RYR3: variants seen among roughly 807,000 people sequenced by gnomAD.
RYR3 encodes brain ryanodine receptor-calcium release channel.
Under a neutral mutation model 584.3 loss-of-function variants are expected in RYR3, and 207 were observed. That is an observed-to-expected ratio of 0.35 (90% confidence interval 0.32 to 0.40). The LOEUF is 0.40. Ranked by LOEUF, RYR3 falls within the 10% of genes least tolerant of loss-of-function variation. The pLI is 1.00. For synonymous variants in RYR3, 2,416 were observed against 2,248.5 expected, an observed-to-expected ratio of 1.07 and a Z score of -2.11; for missense variants, 5,616 against 6,089.2, an observed-to-expected ratio of 0.92 and a Z score of 2.59.
At position 33,644,491 on chromosome 15, in the gene RYR3, A is replaced by T. The variant is rs200171608; in HGVS notation, c.3737A>T (p.Asn1246Ile). ...WFSKRLPTFVNVPKDHPHIEV... is the reference protein window; with the variant it reads ...WFSKRLPTFVIVPKDHPHIEV... ...AGCAAGCGCCTCCCGACGTTTGTCA[A>T]CGTGCCAAAGGATCATCCACACATA... The change falls in exon 28 of 104, where the codon AAC becomes ATC. Residue 1246 changes from asparagine to isoleucine, a missense_variant. Around this residue, in one of 9 missense-constraint regions of RYR3, gnomAD observed 753 missense variants for 741.0 expected, o/e 1.02. Transcript: ENST00000634891. 7 of 1,613,862 alleles carry T rather than the reference A, an allele frequency of 4.3e-6. No individual in the cohort carries two copies. The highest frequency in any genetic ancestry group is 5.9e-6 in the Non-Finnish European group (7 of 1,179,796).
At chr15:33,353,333 G>A (rs1052793334) in intron 1 of RYR3, among the ~76,000 whole-genome samples, 3 of 152,134 alleles carry the variant, frequency 2.0e-5, no homozygotes, top group Non-Finnish European at 2.9e-5. Flanking sequence ...TTGAAGGTGC[G>A]CATAAAAGGG....
At chr15:33,835,975 A>G (rs2078017512) in intron 87 of RYR3, among the ~76,000 whole-genome samples, 1 of 152,094 alleles carries the variant, frequency 6.6e-6, no homozygotes, top group South Asian at 2.1e-4. Flanking sequence ...AGAATAGGTG[A>G]TCTCTGAGGT....
At chr15:33,588,053 G>A (rs2058944401) in intron 16 of RYR3, among the ~76,000 whole-genome samples, 1 of 152,214 alleles carries the variant, frequency 6.6e-6, no homozygotes, top group Non-Finnish European at 1.5e-5. Context: ...AGGGACCTCA[G>A]AAGTCTTCCC....
chr15:33,863,915 G>T (rs1171225047), intron 102 of RYR3, among the ~76,000 whole-genome samples: 2 of 152,162 alleles, frequency 1.3e-5, no homozygotes, highest in Non-Finnish European at 2.9e-5. Flanking sequence ...GTATAGGGAT[G>T]GCAAAAAGCA....
intron 48 of RYR3, among the ~76,000 whole-genome samples, chr15:33,735,763 T>G (rs2069401880): frequency 1.3e-5 from 2 of 152,228 alleles, no homozygotes; most frequent in South Asian, 2.1e-4. Context: ...ATTCCAGTAG[T>G]GAGAATTTCA....
chr15:33,318,281 T>C (rs1281733828), intron 1 of RYR3, among the ~76,000 whole-genome samples: 1 of 152,132 alleles, frequency 6.6e-6, no homozygotes, highest in East Asian at 1.9e-4. Flanking sequence ...GTTATAAAAG[T>C]GTAGAGATGA....
intron 24 of RYR3, 122 bp from the exon 25 acceptor site, chr15:33,634,464 G>C (rs935989472): frequency 7.2e-6 from 6 of 830,484 alleles, no homozygotes; most frequent in South Asian, 1.7e-5. Flanking sequence ...GGCACTGAGG[G>C]AAGGGCTAAT....
At chr15:33,564,400 C>T (rs1204604250) in intron 11 of RYR3, among the ~76,000 whole-genome samples, 1 of 152,080 alleles carries the variant, frequency 6.6e-6, no homozygotes, top group Non-Finnish European at 1.5e-5. Flanking sequence ...CGGGGTATGA[C>T]AAGTTGGAAT....
intron 51 of RYR3, among the ~76,000 whole-genome samples, chr15:33,740,721 AG>A (rs777261745): frequency 1.9e-4 from 29 of 152,356 alleles, no homozygotes; most frequent in Non-Finnish European, 4.0e-4. Context: ...CTTCAGAGTG[AG>A]CAGGGAAAGT....
In RYR3 at chr15:33,498,009, C is replaced by G. The variant is rs373267606; in HGVS notation, c.172-5622C>G. 1.1e-4 allele frequency among the ~76,000 whole-genome samples: 17 copies of G among 152,278 alleles called. No homozygotes were observed. The East Asian group carries it at 2.9e-3, about 26-fold the overall frequency. On this transcript the variant is annotated intron_variant, in intron 2 of 103. Coordinates refer to ENST00000634891, the MANE Select transcript of RYR3 (RefSeq NM_001036.6). Reference sequence around the variant, plus strand: ...CTTATTTCACTTAACATAATGTCCTCCAGACTCACCCATGTTGCCACGAAT... The same window carrying G: ...CTTATTTCACTTAACATAATGTCCTGCAGACTCACCCATGTTGCCACGAAT...
At chr15:33,779,207 A>T (rs1476723226) in intron 64 of RYR3, among the ~76,000 whole-genome samples, 2 of 152,018 alleles carry the variant, frequency 1.3e-5, no homozygotes, top group Non-Finnish European at 2.9e-5. Flanking sequence ...ACCAGTTAAG[A>T]TCACAATTTT....
chr15:33,662,786 C>A lies in RYR3; in HGVS notation c.5256C>A (p.Pro1752=). 6.2e-7 allele frequency: 1 copy of A among 1,613,994 alleles called. No homozygotes were observed. Among genetic ancestry groups the A allele is most frequent in the Non-Finnish European group, 8.5e-7 (1 of 1,179,914 alleles). Reference sequence around the variant, plus strand: ...GGCAGATCCTCCTCCTGATTGATCCCTCTGTGTTTGGGGAGCATAGTGCGG... The same window carrying A: ...GGCAGATCCTCCTCCTGATTGATCCATCTGTGTTTGGGGAGCATAGTGCGG... The part of the protein sequence containing the change: ...DVRQILLLID[P]SVFGEHSAGT... The change falls in exon 35 of 104, where the codon CCC becomes CCA. Residue 1752 remains proline (P), a synonymous_variant. Transcript: ENST00000634891.
intron 36 of RYR3, among the ~76,000 whole-genome samples, chr15:33,668,241 C>T (rs1005288603): frequency 1.3e-5 from 2 of 151,736 alleles, no homozygotes; most frequent in East Asian, 1.9e-4. Context: ...GGCGTGAACC[C>T]GGGAGGCGGA....
intron 10 of RYR3, among the ~76,000 whole-genome samples, chr15:33,551,325 T>C (rs560749971): frequency 1.3e-5 from 2 of 152,344 alleles, no homozygotes; most frequent in South Asian, 4.1e-4. Context: ...AATCTTGATA[T>C]GTGTTCTCAC....
At chr15:33,545,225 C>CA (rs1253686332) in intron 8 of RYR3, among the ~76,000 whole-genome samples, 26 of 152,124 alleles carry the variant, frequency 1.7e-4, no homozygotes, top group Admixed American at 1.5e-3. Flanking sequence ...CACCTGTCAT[C>CA]AAAATTAGAG....
chr15:33,598,645 A>C (rs921554216), intron 16 of RYR3, among the ~76,000 whole-genome samples: 8 of 151,704 alleles, frequency 5.3e-5, no homozygotes, highest in African/African-American at 1.7e-4. Context: ...AAAAAAAAAA[A>C]CTCATCTTCC....
intron 1 of RYR3, among the ~76,000 whole-genome samples, chr15:33,402,876 GTGTCAGCTGCAGGGAGGCAGGC>G (rs1198724986): frequency 6.6e-6 from 1 of 152,198 alleles, no homozygotes; most frequent in Non-Finnish European, 1.5e-5. Context: ...GTTGACCATG[GTGTCAGCTGCAGGGAGGCAGGC>G]TGTTGGGAAT....
At chr15:33,517,115 C>T (rs1395807993) in intron 3 of RYR3, among the ~76,000 whole-genome samples, 3 of 152,156 alleles carry the variant, frequency 2.0e-5, no homozygotes, top group Admixed American at 6.5e-5. Context: ...CTGCCTCAGC[C>T]TCCCAACCAG....
chr15:33,426,606 T>G (rs1042089834), intron 1 of RYR3, among the ~76,000 whole-genome samples: 1 of 152,210 alleles, frequency 6.6e-6, no homozygotes, highest in African/African-American at 2.4e-5. Flanking sequence ...TATAACCCTT[T>G]TGGGTATTCT....
Sources: gnomAD v4.1 joint callset for allele counts (sites outside exome capture counted in the v4.1 genomes callset) on GRCh38, gnomAD v4.1.1 for gene constraint, gnomAD v4.1.1 regional missense constraint, MANE v1.5 for transcripts, NCBI Gene and HGNC (gene_info 2026-07-23, HGNC 2026-07-21) for gene names.